PALD1: variants seen among roughly 807,000 people sequenced by gnomAD.
PALD1 encodes the protein phosphatase domain containing paladin 1, also known as paladin.
PALD1 carries 57 observed loss-of-function variants against 96.0 expected under a neutral mutation model. The observed-to-expected ratio is 0.59, with a 90% CI of 0.48 to 0.74. PALD1 has a LOEUF of 0.74. Ranked by LOEUF, PALD1 falls within the 30% of genes least tolerant of loss-of-function variation. The pLI is 0.00. For synonymous variants in PALD1, 464 were observed against 473.6 expected, an observed-to-expected ratio of 0.98 and a Z score of 0.26; for missense variants, 1,063 against 1,143.7, an observed-to-expected ratio of 0.93 and a Z score of 1.02.
upstream of PALD1, among the ~76,000 whole-genome samples, chr10:70,473,898 C>G (rs528370787): frequency 0.068 from 10,225 of 151,374 alleles, 388 homozygotes; most frequent in South Asian, 0.18. Flanking sequence ...TCCACCCCCC[C>G]CCCCTCAGCC....
intron 1 of PALD1, among the ~76,000 whole-genome samples, chr10:70,492,551 G>T (rs1236445893): frequency 6.8e-6 from 1 of 147,448 alleles, no homozygotes; most frequent in East Asian, 2.1e-4. Flanking sequence ...CTGCCTCCTG[G>T]GTTCAGACAA....
intron 1 of PALD1, among the ~76,000 whole-genome samples, chr10:70,512,388 A>G (rs775366797): frequency 1.3e-5 from 2 of 152,232 alleles, no homozygotes; most frequent in African/African-American, 2.4e-5. Flanking sequence ...CCCAATGGGG[A>G]CATCAGTCCT....
At chr10:70,499,424 G>A (rs74139651) in intron 1 of PALD1, among the ~76,000 whole-genome samples, 5,834 of 152,274 alleles carry the variant, frequency 0.038, 355 homozygotes, top group African/African-American at 0.13. Context: ...TGGGCCAGGC[G>A]GGAGTGTCTG....
At chr10:70,462,663 G>C in the PALD1 span, among the ~76,000 whole-genome samples, 1 of 152,246 alleles carries the variant, frequency 6.6e-6, no homozygotes, top group African/African-American at 2.4e-5. Flanking sequence ...TCCCTTGCCA[G>C]AACAGGGGAG....
At chr10:70,508,805 GTGT>G (rs1846448951) in intron 1 of PALD1, among the ~76,000 whole-genome samples, 1 of 137,962 alleles carries the variant, frequency 7.2e-6, no homozygotes, top group African/African-American at 2.8e-5. Context: ...GTGTGTGTGT[GTGT>G]GTGTGTGTGT....
Position 70,564,395 on chromosome 10 carries a change from G to C in PALD1, c.2294G>C (p.Arg765Pro), listed in dbSNP as rs374746350. 6.2e-7 allele frequency: 1 copy of C among 1,613,782 alleles called. No individual in the cohort carries two copies. The highest frequency in any genetic ancestry group is 1.7e-5 in the Admixed American group (1 of 60,014). The change falls in exon 19 of 20, where the codon CGG becomes CCG. Residue 765 changes from arginine (R) to proline (P), a missense_variant. Arg to Pro is a moderately radical substitution (Grantham distance 103, BLOSUM62 -2). Transcript: ENST00000263563. ...AKAAKEAQEMRRLQLRSLQYL... is the reference protein window; with the variant it reads ...AKAAKEAQEMPRLQLRSLQYL... The stretch of plus-strand genomic sequence containing the variant: ...GCAGCGAAAGAGGCGCAAGAAATGC[G>C]GAGGCTGCAGCTGCGGAGCCTGCAG...
chr10:70,534,616 C>A, intron 9 of PALD1, 92 bp downstream of exon 9: 4 of 1,134,244 alleles, frequency 3.5e-6, no homozygotes, highest in Non-Finnish European at 5.2e-6. Context: ...TCCCGATACC[C>A]TCCCCTACCT....
chr10:70,539,478 C>A lies in PALD1; in HGVS notation c.1726-102C>A. On this transcript the variant is annotated intron_variant, in intron 14 of 19. Transcript: ENST00000263563. This position sits in a 1 kb window ranked among gnomAD's most constrained non-coding sequence, Gnocchi z 4.5. ...AGGCTTGGGGGGGTCAGGGATGGGA[C>A]TGGAAGCCAGGGCCAGGCCTGGCCA... The A allele has an allele frequency of 8.4e-7, 1 of 1,196,484 alleles. No homozygotes were observed. Among genetic ancestry groups the A allele is most frequent in the Non-Finnish European group, 1.1e-6 (1 of 873,080 alleles). 74.1% of individuals were successfully genotyped at this position (1,196,484 alleles called of 1,614,324 possible). A position where few individuals can be genotyped will look rare whatever the true frequency, so the allele number is the denominator to read the frequency against.
At chr10:70,527,440 A>G (rs756647174) in intron 2 of PALD1, among the ~76,000 whole-genome samples, 2 of 152,202 alleles carry the variant, frequency 1.3e-5, no homozygotes, top group African/African-American at 2.4e-5. Context: ...TGCAGGCCCA[A>G]TGTGGCCTGT....
intron 1 of PALD1, among the ~76,000 whole-genome samples, chr10:70,500,569 C>T (rs915878580): frequency 6.6e-6 from 1 of 152,156 alleles, no homozygotes; most frequent in Non-Finnish European, 1.5e-5. Flanking sequence ...AAATGTTGCT[C>T]ATCCTTTAAG....
At position 70,539,329 on chromosome 10, in the gene PALD1, C is replaced by G; in HGVS notation, c.1725+82C>G. 7.4e-7 allele frequency: 1 copy of G among 1,359,718 alleles called. No homozygotes were observed. The highest frequency in any genetic ancestry group is 2.5e-5 in the East Asian group (1 of 39,992). 84.2% of individuals were successfully genotyped at this position (1,359,718 alleles called of 1,614,324 possible). A position where few individuals can be genotyped will look rare whatever the true frequency, so the allele number is the denominator to read the frequency against. ...GGGAGGGTCTTCAGAAGGCCTCACA[C>G]TCCCGCAGACAGATGGAGAATCTGA... On this transcript the variant is annotated intron_variant, in intron 14 of 19. Coordinates refer to ENST00000263563, the MANE Select transcript of PALD1 (RefSeq NM_014431.3). This position sits in a 1 kb window ranked among gnomAD's most constrained non-coding sequence, Gnocchi z 4.5.
chr10:70,541,535 G>T lies in PALD1; in HGVS notation c.2121+1G>T. 1 of 1,611,682 alleles carries T rather than the reference G, an allele frequency of 6.2e-7. No individual in the cohort carries two copies. The highest frequency in any genetic ancestry group is 8.5e-7 in the Non-Finnish European group (1 of 1,178,418). ...CAAGTTCACTAAGGGTGAATTTCAG[G>T]TGAGCATGCCCTGCGGGGTCCCTGA... On this transcript the variant is annotated splice_donor_variant, in intron 17 of 19. Transcript: ENST00000263563. LOFTEE classifies it high-confidence loss of function.
chr10:70,486,146 CAGG>C (rs1846013663), intron 1 of PALD1: 1 of 207,264 alleles, frequency 4.8e-6, no homozygotes, highest in African/African-American at 2.3e-5. Flanking sequence ...CTTTGAAAAT[CAGG>C]AGGCAGGTTC....
intron 18 of PALD1, among the ~76,000 whole-genome samples, chr10:70,563,347 G>A (rs149713641): frequency 1.0e-3 from 156 of 152,162 alleles, no homozygotes; most frequent in Middle Eastern, 3.4e-3. Flanking sequence ...TCTGGTCCAC[G>A]TTCTGTCTGT....
chr10:70,519,904 T>C (rs992987973), intron 1 of PALD1, among the ~76,000 whole-genome samples: 8 of 152,266 alleles, frequency 5.3e-5, no homozygotes, highest in Non-Finnish European at 7.4e-5. Context: ...TATGAGTTTT[T>C]AGGGGCAAAA....
At chr10:70,508,066 T>C (rs914181380) in intron 1 of PALD1, among the ~76,000 whole-genome samples, 2 of 152,098 alleles carry the variant, frequency 1.3e-5, no homozygotes, top group African/African-American at 4.8e-5. Flanking sequence ...GTCAGGAAGA[T>C]GTGGAATGAG....
At chr10:70,534,345 CAT>C in intron 8 of PALD1, 78 bp from the exon 9 acceptor site, 1 of 962,202 alleles carries the variant, frequency 1.0e-6, no homozygotes, top group Non-Finnish European at 1.6e-6. Context: ...CCCCAGCGGC[CAT>C]ATGAGTGGAG....
intron 8 of PALD1, 90 bp downstream of exon 8, chr10:70,534,163 C>G (rs1260670725): frequency 1.5e-6 from 2 of 1,372,930 alleles, no homozygotes; most frequent in Non-Finnish European, 1.9e-6. Context: ...TCTAGGAGCC[C>G]AGAGCCAGAG....
intron 18 of PALD1, among the ~76,000 whole-genome samples, chr10:70,549,391 TAGAG>T (rs1243350991): frequency 6.6e-6 from 1 of 152,204 alleles, no homozygotes; most frequent in African/African-American, 2.4e-5. Flanking sequence ...CAGGCTCTGT[TAGAG>T]AGCCCCTACC....
Sources: allele counts gnomAD v4.1 joint callset (sites outside exome capture counted in the v4.1 genomes callset), GRCh38; gene constraint gnomAD v4.1.1; non-coding constraint Gnocchi (gnomAD v3.1); transcripts MANE v1.5; gene names NCBI Gene and HGNC (gene_info 2026-07-23, HGNC 2026-07-21).